The following GNB4 variants were observed in gnomAD, a reference collection of about 807,000 sequenced individuals.
GNB4 encodes the protein G protein subunit beta 4.
Under a neutral mutation model 45.2 loss-of-function variants are expected in GNB4, and 28 were observed. That is an observed-to-expected ratio of 0.62 (90% CI 0.46 to 0.85). GNB4 has a LOEUF of 0.85. Ranked by LOEUF, GNB4 falls within the 40% of genes least tolerant of loss-of-function variation. GNB4 has a pLI of 0.00. For synonymous variants in GNB4, 132 were observed against 143.7 expected (o/e 0.92, Z 0.58); for missense variants, 321 against 425.4 (o/e 0.75, Z 2.16).
chr3:179,501,589 TGC>T, the GNB4 span, among the ~76,000 whole-genome samples: 1 of 151,886 alleles, frequency 6.6e-6, no homozygotes, highest in Non-Finnish European at 1.5e-5. Context: ...CCTCCCAAAG[TGC>T]TGGGATTACA....
chr3:179,462,650 C>A, the GNB4 span, among the ~76,000 whole-genome samples: 2 of 152,030 alleles, frequency 1.3e-5, no homozygotes, highest in Admixed American at 6.6e-5. Flanking sequence ...ACCAGCCTGG[C>A]CAATATGGTG....
intron 1 of GNB4, among the ~76,000 whole-genome samples, chr3:179,434,956 T>C (rs187633266): frequency 7.9e-5 from 12 of 151,754 alleles, no homozygotes; most frequent in Non-Finnish European, 1.3e-4. Context: ...CACAAATATA[T>C]AAAAGTGAGT....
intron 1 of GNB4, among the ~76,000 whole-genome samples, chr3:179,440,612 AT>A (rs371739955): frequency 3.9e-5 from 6 of 152,152 alleles, no homozygotes; most frequent in African/African-American, 7.2e-5. Flanking sequence ...AAAACAAGTT[AT>A]TTCTCCATGT....
the GNB4 span, among the ~76,000 whole-genome samples, chr3:179,479,141 C>G: frequency 1.3e-5 from 2 of 152,086 alleles, no homozygotes; most frequent in Non-Finnish European, 2.9e-5. Flanking sequence ...TTTCTATTTT[C>G]TGTAGAAATG....
At chr3:179,461,428 C>T in the GNB4 span, among the ~76,000 whole-genome samples, 7 of 149,974 alleles carry the variant, frequency 4.7e-5, no homozygotes, top group African/African-American at 9.8e-5. Flanking sequence ...ACCCGGGAGG[C>T]GGAGCTTGCA....
chr3:179,492,008 G>A, the GNB4 span, among the ~76,000 whole-genome samples: 3 of 152,198 alleles, frequency 2.0e-5, no homozygotes, highest in Non-Finnish European at 4.4e-5. Context: ...AGTTCTAGGA[G>A]AACTTTGGAG....
chr3:179,489,051 A>G, the GNB4 span, among the ~76,000 whole-genome samples: 1 of 106,494 alleles, frequency 9.4e-6, no homozygotes, highest in African/African-American at 3.5e-5. Flanking sequence ...TATATAATAT[A>G]TATGTAATAA....
At chr3:179,426,621 C>A (rs1301932654) in intron 1 of GNB4, among the ~76,000 whole-genome samples, 9 of 152,138 alleles carry the variant, frequency 5.9e-5, no homozygotes, top group Non-Finnish European at 2.9e-5. Context: ...CACCCCACCC[C>A]CAAGCCTTCC....
At chr3:179,413,263 A>G in intron 8 of GNB4, 149 bp downstream of exon 8, 1 of 642,122 alleles carries the variant, frequency 1.6e-6, no homozygotes, top group Non-Finnish European at 2.7e-6. Context: ...TTTTTAAAAA[A>G]TCAAAAACCC....
intron 9 of GNB4, among the ~76,000 whole-genome samples, chr3:179,403,075 C>T (rs923779177): frequency 6.6e-6 from 1 of 152,154 alleles, no homozygotes; most frequent in African/African-American, 2.4e-5. Flanking sequence ...AGTTTATACA[C>T]TTCATGGAGG....
Position 179,440,445 on chromosome 3 carries a change from AG to A in GNB4, c.-43+10900del, listed in dbSNP as rs1159193082. ...GTACATGAGAAAATACCAAGAAAAT[AG>A]TGTTTCATGTATTTTGGGAATTAAA... On this transcript the variant is annotated intron_variant, in intron 1 of 9. Transcript: ENST00000232564. Among the ~76,000 whole-genome samples, 10 of 152,326 alleles carry A rather than the reference AG, an allele frequency of 6.6e-5. No individual in the cohort carries two copies. In the South Asian group the frequency reaches 1.9e-3, roughly 28 times the overall value.
intron 2 of GNB4, among the ~76,000 whole-genome samples, chr3:179,425,617 T>C (rs62408894): frequency 0.013 from 207 of 15,820 alleles, 3 homozygotes; most frequent in East Asian, 0.12. Context: ...ATTACAGGTG[T>C]GCACCACCAC....
chr3:179,518,865 C>A, the GNB4 span, among the ~76,000 whole-genome samples: 1 of 152,194 alleles, frequency 6.6e-6, no homozygotes, highest in Non-Finnish European at 1.5e-5. Flanking sequence ...ATGCATTTTA[C>A]TTTATTACCT....
At chr3:179,485,233 C>A in the GNB4 span, among the ~76,000 whole-genome samples, 1 of 151,938 alleles carries the variant, frequency 6.6e-6, no homozygotes, top group Non-Finnish European at 1.5e-5. Flanking sequence ...AGGATGGTCT[C>A]CATCTCCTGA....
At chr3:179,467,174 T>C in the GNB4 span, among the ~76,000 whole-genome samples, 44,187 of 152,016 alleles carry the variant, frequency 0.29, 7,464 homozygotes, top group South Asian at 0.44. Context: ...CCAGCATGCC[T>C]GGCTAAGTTT....
intron 1 of GNB4, among the ~76,000 whole-genome samples, chr3:179,431,371 A>G (rs1442195099): frequency 6.6e-6 from 1 of 152,066 alleles, no homozygotes; most frequent in African/African-American, 2.4e-5. Flanking sequence ...AGCCTGACCA[A>G]TATGGCGAAA....
chr3:179,409,063 C>T (rs1395964165), intron 8 of GNB4, among the ~76,000 whole-genome samples: 3 of 142,118 alleles, frequency 2.1e-5, no homozygotes, highest in African/African-American at 5.3e-5. Flanking sequence ...CCAGGGAAGT[C>T]GAGGCTGCAG....
the GNB4 span, among the ~76,000 whole-genome samples, chr3:179,518,604 C>T: frequency 6.6e-6 from 1 of 152,162 alleles, no homozygotes; most frequent in African/African-American, 2.4e-5. Context: ...CCCCTCTTCA[C>T]ACTCGGTCCG....
At chr3:179,401,346 G>A (rs774930722) in intron 9 of GNB4, 27 bp from the exon 10 acceptor site, 2 of 1,505,460 alleles carry the variant, frequency 1.3e-6, no homozygotes, top group East Asian at 2.3e-5. Context: ...GTAAAAAATT[G>A]GCAATTGTAG....
Sources: allele counts gnomAD v4.1 joint callset (sites outside exome capture counted in the v4.1 genomes callset), GRCh38; gene constraint gnomAD v4.1.1; transcripts MANE v1.5; gene names NCBI Gene and HGNC (gene_info 2026-07-23, HGNC 2026-07-21).